Variants in SGCG observed in about 807,000 individuals in gnomAD.
SGCG encodes gamma-sarcoglycan.
In SGCG, 26 loss-of-function variants were observed where a neutral mutation model predicts 29.3. The ratio of observed to expected loss-of-function variants is 0.89; its 90% CI spans 0.65 to 1.23. SGCG has a LOEUF of 1.23. SGCG is among the 50% of genes most tolerant of loss of function. The pLI, the probability that SGCG is intolerant of heterozygous loss-of-function variation, is 0.00. For missense variants in SGCG, 353 were observed against 356.0 expected (o/e 0.99, Z 0.07); for synonymous variants, 145 against 129.7 (o/e 1.12, Z -0.80).
intron 1 of SGCG, among the ~76,000 whole-genome samples, chr13:23,191,396 A>G (rs991203428): frequency 1.3e-5 from 2 of 152,220 alleles, no homozygotes; most frequent in African/African-American, 4.8e-5. Context: ...TCAGTTGTCA[A>G]GGTATCGGGT....
chr13:23,263,253 A>G (rs1262010879), intron 4 of SGCG, among the ~76,000 whole-genome samples: 2 of 152,044 alleles, frequency 1.3e-5, no homozygotes, highest in Non-Finnish European at 2.9e-5. Context: ...AGAAAAGAAG[A>G]GAGAAGATTC....
At chr13:23,232,809 C>G (rs1467383741) in intron 2 of SGCG, among the ~76,000 whole-genome samples, 4 of 151,948 alleles carry the variant, frequency 2.6e-5, no homozygotes, top group African/African-American at 9.7e-5. Context: ...AAGGGGAGGA[C>G]AGTTAGGCAA....
intron 1 of SGCG, among the ~76,000 whole-genome samples, chr13:23,195,625 AAGTC>A (rs1317052066): frequency 2.0e-5 from 3 of 151,966 alleles, no homozygotes; most frequent in Admixed American, 1.3e-4. Flanking sequence ...TTTATTTTAA[AAGTC>A]AGTCCTATTG....
chr13:23,279,871 G>A (rs1881241494), intron 5 of SGCG, among the ~76,000 whole-genome samples: 1 of 152,008 alleles, frequency 6.6e-6, no homozygotes, highest in Non-Finnish European at 1.5e-5. Flanking sequence ...GAGACTACAG[G>A]CACCCGCCAC....
chr13:23,230,481 AT>A (rs1879066519), intron 2 of SGCG, among the ~76,000 whole-genome samples: 1 of 152,014 alleles, frequency 6.6e-6, no homozygotes. Flanking sequence ...CGTAATTCTC[AT>A]TGTAGGGATC....
chr13:23,265,226 A>G (rs1341238599), intron 4 of SGCG, among the ~76,000 whole-genome samples: 1 of 152,106 alleles, frequency 6.6e-6, no homozygotes, highest in Non-Finnish European at 1.5e-5. Context: ...TAATATCTGG[A>G]ATCTACGAGG....
intron 6 of SGCG, among the ~76,000 whole-genome samples, chr13:23,312,822 G>GA (rs147321237): frequency 0.71 from 106,687 of 149,884 alleles, 37,801 homozygotes; most frequent in Admixed American, 0.79. Flanking sequence ...TGTGACATTT[G>GA]AAAAAAAATG....
intron 2 of SGCG, among the ~76,000 whole-genome samples, chr13:23,208,723 A>T (rs1453680749): frequency 6.6e-6 from 1 of 152,160 alleles, no homozygotes; most frequent in Non-Finnish European, 1.5e-5. Flanking sequence ...GAGTATAAAG[A>T]TTCTAAAATA....
Position 23,203,796 on chromosome 13 carries a change from C to T in SGCG, c.102C>T (p.Arg34=), listed in dbSNP as rs140810408. 85 of 1,613,636 alleles carry T rather than the reference C, an allele frequency of 5.3e-5. No homozygotes were observed. Among genetic ancestry groups the T allele is most frequent in the Non-Finnish European group, 6.9e-5 (81 of 1,179,662 alleles). ...TTGGCATTTATGGCTGGAGAAAGCG[C>T]TGTCTCTACTTGTTTGTTCTTCTTT... ...YKIGIYGWRK[R]CLYLFVLLLL... The change falls in exon 2 of 8, where the codon CGC becomes CGT. Residue 34 remains arginine, a synonymous_variant. Transcript: ENST00000218867.
At chr13:23,241,334 T>A (rs1046162867) in intron 3 of SGCG, among the ~76,000 whole-genome samples, 6 of 136,884 alleles carry the variant, frequency 4.4e-5, no homozygotes, top group Non-Finnish European at 3.2e-5. Context: ...GAGGCTACCA[T>A]GAACAAGTAT....
intron 1 of SGCG, among the ~76,000 whole-genome samples, chr13:23,191,721 A>G (rs1877261260): frequency 6.6e-6 from 1 of 152,206 alleles, no homozygotes; most frequent in African/African-American, 2.4e-5. Context: ...CAAAAGTAGG[A>G]ATAATGCTTT....
intron 7 of SGCG, among the ~76,000 whole-genome samples, chr13:23,322,783 C>CCCCCCCCCG: frequency 1.0e-5 from 1 of 99,288 alleles, no homozygotes; most frequent in Non-Finnish European, 2.1e-5. Flanking sequence ...CCCCCCCCCC[C>CCCCCCCCCG]CCCCCCGCCA....
chr13:23,251,033 C>G (rs1315674230), intron 4 of SGCG, among the ~76,000 whole-genome samples: 1 of 152,212 alleles, frequency 6.6e-6, no homozygotes, highest in Non-Finnish European at 1.5e-5. Flanking sequence ...ACCCAAGTAG[C>G]TGGCCTCAAA....
At chr13:23,190,840 T>G (rs9552868) in intron 1 of SGCG, among the ~76,000 whole-genome samples, 1 of 151,876 alleles carries the variant, frequency 6.6e-6, no homozygotes, top group Admixed American at 6.6e-5. Flanking sequence ...ATTATATCAC[T>G]GACGATATTA....
chr13:23,200,285 T>C (rs2137495528), intron 1 of SGCG, among the ~76,000 whole-genome samples: 1 of 152,158 alleles, frequency 6.6e-6, no homozygotes. Context: ...TAGCTGGGCG[T>C]GGTGGCATGT....
chr13:23,164,066 A>T, the SGCG span, among the ~76,000 whole-genome samples: 1 of 152,130 alleles, frequency 6.6e-6, no homozygotes, highest in African/African-American at 2.4e-5. Flanking sequence ...TGCTGTCCTG[A>T]CCAGTCGCCT....
intron 1 of SGCG, among the ~76,000 whole-genome samples, chr13:23,186,375 T>C (rs186604662): frequency 6.6e-6 from 1 of 152,294 alleles, no homozygotes; most frequent in East Asian, 1.9e-4. Flanking sequence ...TCACCAGTGG[T>C]ATCCAGCCTG....
At chr13:23,298,544 A>G (rs976400703) in intron 6 of SGCG, among the ~76,000 whole-genome samples, 2 of 152,200 alleles carry the variant, frequency 1.3e-5, no homozygotes, top group African/African-American at 4.8e-5. Context: ...TGTGACTATA[A>G]TTAAATTATA....
intron 3 of SGCG, among the ~76,000 whole-genome samples, chr13:23,236,075 C>A (rs1879297413): frequency 6.6e-6 from 1 of 152,162 alleles, no homozygotes; most frequent in Non-Finnish European, 1.5e-5. Flanking sequence ...CAGAAGATGA[C>A]CTGCAGTATA....
Sources: gnomAD v4.1 joint callset for allele counts (sites outside exome capture counted in the v4.1 genomes callset) on GRCh38, gnomAD v4.1.1 for gene constraint, MANE v1.5 for transcripts, NCBI Gene and HGNC (gene_info 2026-07-23, HGNC 2026-07-21) for gene names.